Variants in BACE1 observed in about 807,000 individuals in gnomAD.
BACE1 encodes APP beta-secretase.
A neutral mutation model predicts 54.0 loss-of-function variants in BACE1; 21 were observed. That is an observed-to-expected ratio of 0.39 (90% confidence interval 0.28 to 0.56). The LOEUF (loss-of-function observed/expected upper bound fraction) is 0.56. Ranked by LOEUF, BACE1 falls within the 20% of genes least tolerant of loss-of-function variation. The pLI is 0.63. For missense variants in BACE1, 511 were observed against 661.2 expected, an observed-to-expected ratio of 0.77 and a Z score of 2.49; for synonymous variants, 232 against 260.9, an observed-to-expected ratio of 0.89 and a Z score of 1.07.
Position 117,293,902 on chromosome 11 carries a change from G to C in BACE1, c.674C>G (p.Ser225Cys). 6.2e-7 allele frequency: 1 copy of C among 1,613,858 alleles called. No homozygotes were observed. Among genetic ancestry groups the C allele is most frequent in the East Asian group, 2.2e-5 (1 of 44,844 alleles). ...LCGAGFPLNQ[S>C]EVLASVGGSM... ...CCCTCCGACAGAGGCCAGCACTTCA[G>C]ACTGGTTGAGGGGGAAGCCAGCACC... The change falls in exon 4 of 9, where the codon TCT becomes TGT. Residue 225 changes from serine to cysteine, a missense_variant. Transcript: ENST00000313005. This position sits in a 1 kb window ranked among gnomAD's most constrained non-coding sequence, Gnocchi z 4.1.
intron 6 of BACE1, 71 bp downstream of exon 6, chr11:117,291,641 A>C (rs2034440263): frequency 1.8e-6 from 2 of 1,133,128 alleles, no homozygotes; most frequent in African/African-American, 1.5e-5. Context: ...GCTGTTGCTG[A>C]AGAATGTGAC....
intron 1 of BACE1, among the ~76,000 whole-genome samples, chr11:117,308,178 AG>A (rs978678830): frequency 6.6e-6 from 1 of 152,144 alleles, no homozygotes; most frequent in African/African-American, 2.4e-5. Flanking sequence ...GAGGAAAAAA[AG>A]AAAAACCACC....
intron 2 of BACE1, among the ~76,000 whole-genome samples, chr11:117,296,382 T>G (rs1253357091): frequency 2.0e-5 from 3 of 151,830 alleles, no homozygotes; most frequent in Non-Finnish European, 4.4e-5. Flanking sequence ...GGCAGAGGGG[T>G]TTATGAAAGA....
chr11:117,297,218 A>G, intron 1 of BACE1: 1 of 442,948 alleles, frequency 2.3e-6, no homozygotes, highest in Non-Finnish European at 4.0e-6. Flanking sequence ...AACTGAAAAA[A>G]GGCAGATTAG....
At chr11:117,300,908 G>T (rs186595471) in intron 1 of BACE1, among the ~76,000 whole-genome samples, 35 of 152,076 alleles carry the variant, frequency 2.3e-4, no homozygotes, top group Admixed American at 1.8e-3. Context: ...TCTCACATCC[G>T]CCTCCAGTCC....
In BACE1 at chr11:117,291,067, G is replaced by A; in HGVS notation, c.943-18C>T. 1.9e-6 allele frequency: 3 copies of A among 1,612,730 alleles called. No individual in the cohort carries two copies. The highest frequency in any genetic ancestry group is 1.7e-5 in the Admixed American group (1 of 59,924). On this transcript the variant is annotated intron_variant, in intron 6 of 8. Coordinates refer to ENST00000313005, the MANE Select transcript of BACE1 (RefSeq NM_012104.6). The stretch of plus-strand genomic sequence containing the variant: ...TTCTCCGTCTGTGTTGGCAAGAAGG[G>A]GATAACAATGAGGAAAAGCCTCTTT...
chr11:117,290,584 T>C lies in BACE1; in HGVS notation c.1168A>G (p.Thr390Ala), dbSNP rs1591852312. The change falls in exon 8 of 9, where the codon ACG (threonine) becomes GCG (alanine). Residue 390 changes from threonine (T) to alanine (A), a missense_variant. By Grantham distance (58) the Thr-to-Ala change is moderately conservative. Around this residue, in one of 2 missense-constraint regions of BACE1, gnomAD observed 407 missense variants for 565.7 expected, o/e 0.72. Transcript: ENST00000313005. ...ATAACAGCTCCCATAACAGTGCCCGTGGATGACTGTGAGATGGCAAACTTG... is the reference window on the plus strand; with the variant it reads ...ATAACAGCTCCCATAACAGTGCCCGCGGATGACTGTGAGATGGCAAACTTG... ...CYKFAISQSS[T>A]GTVMGAVIME... 1.9e-6 allele frequency: 3 copies of C among 1,614,250 alleles called. No individual in the cohort carries two copies. Among genetic ancestry groups the C allele is most frequent in the Non-Finnish European group, 2.5e-6 (3 of 1,180,050 alleles).
intron 5 of BACE1, 58 bp from the exon 6 acceptor site, chr11:117,291,871 G>A: frequency 7.5e-7 from 1 of 1,340,854 alleles, no homozygotes; most frequent in Admixed American, 1.7e-5. Flanking sequence ...TGGGCTCTGG[G>A]CAGTAGGGGG....
chr11:117,291,102 C>T, intron 6 of BACE1, 53 bp from the exon 7 acceptor site: 1 of 1,592,342 alleles, frequency 6.3e-7, no homozygotes, highest in Non-Finnish European at 8.6e-7. Context: ...TATCATCTCG[C>T]CCCTCCCATG....
Position 117,293,039 on chromosome 11 carries a change from C to T in BACE1, c.840+15G>A. ...TACCCCCTTATGTTCCCAGGCTCTC[C>T]CTTGGTTTTCTTACCTCCTTGCAGT... On this transcript the variant is annotated intron_variant, in intron 5 of 8. Coordinates refer to ENST00000313005, the MANE Select transcript of BACE1 (RefSeq NM_012104.6). This position sits in a 1 kb window ranked among gnomAD's most constrained non-coding sequence, Gnocchi z 4.1. The T allele has an allele frequency of 6.2e-7, 1 of 1,613,394 alleles. No homozygotes were observed. Among genetic ancestry groups the T allele is most frequent in the South Asian group, 1.1e-5 (1 of 90,940 alleles).
chr11:117,312,067 T>A (rs528835581), intron 1 of BACE1, among the ~76,000 whole-genome samples: 13 of 152,256 alleles, frequency 8.5e-5, no homozygotes, highest in Non-Finnish European at 1.8e-4. Context: ...AGTCTCACAT[T>A]TAAGCTTTAT....
intron 1 of BACE1, among the ~76,000 whole-genome samples, chr11:117,313,263 T>C (rs892183467): frequency 2.0e-5 from 3 of 152,182 alleles, no homozygotes; most frequent in Admixed American, 6.6e-5. Context: ...TCCCTGGCAC[T>C]AGCTTCCTGG....
At chr11:117,296,630 G>A (rs796143814) in intron 2 of BACE1, among the ~76,000 whole-genome samples, 14 of 152,198 alleles carry the variant, frequency 9.2e-5, no homozygotes, top group African/African-American at 3.1e-4. Context: ...ACAGGAGGCT[G>A]CCCTGTCTCA....
At chr11:117,297,617 A>T (rs1212998031) in intron 1 of BACE1, among the ~76,000 whole-genome samples, 1 of 148,424 alleles carries the variant, frequency 6.7e-6, no homozygotes, top group Non-Finnish European at 1.5e-5. Flanking sequence ...CCCTGTCTCA[A>T]CAACAAAAAA....
intron 6 of BACE1, 57 bp downstream of exon 6, chr11:117,291,655 C>A: frequency 1.6e-6 from 2 of 1,284,002 alleles, no homozygotes; most frequent in South Asian, 1.2e-5. Context: ...ATGTGACTCT[C>A]ACCGCCTCCC....
At chr11:117,299,604 TC>T (rs1348230619) in intron 1 of BACE1, 4 of 367,512 alleles carry the variant, frequency 1.1e-5, no homozygotes, top group East Asian at 1.2e-4. Flanking sequence ...AGCCCCCCAC[TC>T]CTGGCCTGGT....
At chr11:117,305,492 C>G (rs1485365978) in intron 1 of BACE1, among the ~76,000 whole-genome samples, 1 of 152,022 alleles carries the variant, frequency 6.6e-6, no homozygotes, top group Non-Finnish European at 1.5e-5. Flanking sequence ...CCATTGGTAC[C>G]TGGGAGCAAG....
At chr11:117,311,887 C>T (rs921617050) in intron 1 of BACE1, among the ~76,000 whole-genome samples, 11 of 152,298 alleles carry the variant, frequency 7.2e-5, no homozygotes, top group African/African-American at 2.6e-4. Context: ...GATCCACCTG[C>T]CTTGGCCTCC....
In BACE1 at chr11:117,296,866, G is replaced by A. The variant is rs773051889; in HGVS notation, c.350+7C>T. The A allele has an allele frequency of 3.8e-5, 62 of 1,610,954 alleles. No homozygotes were observed. The South Asian group carries it at 6.8e-4, about 18-fold the overall frequency. The stretch of plus-strand genomic sequence containing the variant: ...GGTACTTCCCCCGGGCTCTCCCCAG[G>A]ACTCACAGCTGCCTCTGGTAGTAGC... On this transcript the variant is annotated splice_region_variant and intron_variant, in intron 2 of 8. Transcript: ENST00000313005.
Sources: gnomAD v4.1 joint callset for allele counts (sites outside exome capture counted in the v4.1 genomes callset) on GRCh38, gnomAD v4.1.1 for gene constraint, gnomAD v4.1.1 regional missense constraint, Gnocchi (gnomAD v3.1) non-coding constraint, MANE v1.5 for transcripts, NCBI Gene and HGNC (gene_info 2026-07-23, HGNC 2026-07-21) for gene names.